Variants in LRP1B observed in about 807,000 individuals in gnomAD.
LRP1B encodes low-density lipoprotein receptor-related protein 1B.
Under a neutral mutation model 556.6 loss-of-function variants are expected in LRP1B, and 217 were observed. The ratio of observed to expected loss-of-function variants is 0.39; its 90% CI spans 0.35 to 0.44. The LOEUF is 0.44. LRP1B is among the 20% of genes least tolerant of loss of function. LRP1B has a pLI of 1.00. For synonymous variants in LRP1B, 2,047 were observed against 1,865.8 expected (o/e 1.10, Z -2.50); for missense variants, 5,053 against 5,620.8 (o/e 0.90, Z 3.23).
chr2:141,857,176 A>T (rs1574433544), intron 1 of LRP1B, among the ~76,000 whole-genome samples: 1 of 152,110 alleles, frequency 6.6e-6, no homozygotes, highest in Admixed American at 6.6e-5. Flanking sequence ...AGTTAGAGGT[A>T]TAAAGTCAAC....
chr2:140,966,450 C>A (rs1336535778), intron 18 of LRP1B, among the ~76,000 whole-genome samples: 1 of 151,950 alleles, frequency 6.6e-6, no homozygotes, highest in Non-Finnish European at 1.5e-5. Context: ...GGATATTAGC[C>A]CTTTGTCAGA....
chr2:140,983,828 AC>A (rs60514426), intron 17 of LRP1B, among the ~76,000 whole-genome samples: 16,443 of 151,988 alleles, frequency 0.11, 986 homozygotes, highest in East Asian at 0.2. Context: ...CTGATTTTTT[AC>A]ATTTTACAAA....
intron 43 of LRP1B, among the ~76,000 whole-genome samples, chr2:140,588,145 G>A (rs980884735): frequency 1.3e-5 from 2 of 152,094 alleles, no homozygotes; most frequent in Admixed American, 6.5e-5. Flanking sequence ...CAAGAAAAAA[G>A]AAAGAACACT....
intron 41 of LRP1B, among the ~76,000 whole-genome samples, chr2:140,643,147 G>T (rs1684363392): frequency 6.6e-6 from 1 of 151,886 alleles, no homozygotes; most frequent in Non-Finnish European, 1.5e-5. Flanking sequence ...TAAAATAAAT[G>T]AAATTGTTCC....
intron 7 of LRP1B, among the ~76,000 whole-genome samples, chr2:141,131,184 T>G (rs556384281): frequency 6.6e-5 from 10 of 151,966 alleles, no homozygotes; most frequent in African/African-American, 2.2e-4. Flanking sequence ...CTTACAGTGG[T>G]GTAACCTATT....
chr2:141,116,019 A>C, intron 7 of LRP1B, among the ~76,000 whole-genome samples: 1 of 152,170 alleles, frequency 6.6e-6, no homozygotes, highest in East Asian at 1.9e-4. Flanking sequence ...ACCAAAAAGC[A>C]ATTTCATTAT....
At chr2:141,874,546 A>G (rs575936179) in intron 1 of LRP1B, among the ~76,000 whole-genome samples, 1 of 152,064 alleles carries the variant, frequency 6.6e-6, no homozygotes, top group East Asian at 1.9e-4. Context: ...CCTCTCTGCC[A>G]AAACAATCCC....
At chr2:141,148,546 A>G (rs571478743) in intron 7 of LRP1B, among the ~76,000 whole-genome samples, 10 of 152,244 alleles carry the variant, frequency 6.6e-5, no homozygotes, top group Non-Finnish European at 1.2e-4. Context: ...CCCAGTATTG[A>G]ACTGAAAGGT....
chr2:140,923,024 C>A lies in LRP1B; in HGVS notation c.3260G>T (p.Gly1087Val). The part of the protein sequence containing the change: ...KDCEDGSDEK[G>V]CNGTIRLCDH... Reference sequence around the variant, plus strand: ...ACACAATCGTATGGTACCATTGCAACCTTTTTCATCACTACCATCTTCACA... The same window carrying A: ...ACACAATCGTATGGTACCATTGCAAACTTTTTCATCACTACCATCTTCACA... Residue 1087 changes from glycine to valine, a missense_variant, in exon 21 of 91, where the codon GGT becomes GTT. Transcript: ENST00000389484. 6.2e-7 allele frequency: 1 copy of A among 1,613,234 alleles called. No homozygotes were observed. The highest frequency in any genetic ancestry group is 1.7e-4 in the Middle Eastern group (1 of 6,056).
At chr2:140,744,434 T>C (rs1179176346) in intron 35 of LRP1B, among the ~76,000 whole-genome samples, 1 of 152,166 alleles carries the variant, frequency 6.6e-6, no homozygotes, top group Non-Finnish European at 1.5e-5. Context: ...AGAATTAAGA[T>C]TGTATTCTTG....
At chr2:141,536,336 C>CT (rs1559126871) in intron 2 of LRP1B, among the ~76,000 whole-genome samples, 1 of 152,002 alleles carries the variant, frequency 6.6e-6, no homozygotes, top group Non-Finnish European at 1.5e-5. Flanking sequence ...AATTCAGTAG[C>CT]TTTTCCATTA....
intron 2 of LRP1B, among the ~76,000 whole-genome samples, chr2:141,721,372 A>G (rs1692807352): frequency 6.6e-6 from 1 of 152,072 alleles, no homozygotes; most frequent in Non-Finnish European, 1.5e-5. Context: ...TGCTTGTATT[A>G]ATTTGCTAAT....
chr2:142,083,691 T>A (rs1705803084), intron 1 of LRP1B, among the ~76,000 whole-genome samples: 2 of 152,212 alleles, frequency 1.3e-5, no homozygotes, highest in Non-Finnish European at 2.9e-5. Context: ...ATATGCAGTA[T>A]GAAAAATGTT....
At chr2:141,603,338 G>A (rs992798123) in intron 2 of LRP1B, among the ~76,000 whole-genome samples, 1 of 152,132 alleles carries the variant, frequency 6.6e-6, no homozygotes, top group Non-Finnish European at 1.5e-5. Context: ...ATGTATGTGT[G>A]TATGCATGCG....
chr2:140,974,588 TAGG>T (rs1327269149), intron 18 of LRP1B, among the ~76,000 whole-genome samples: 2 of 152,104 alleles, frequency 1.3e-5, no homozygotes, highest in South Asian at 2.1e-4. Flanking sequence ...CCTGCTTTAA[TAGG>T]AGATTAGAAG....
intron 66 of LRP1B, among the ~76,000 whole-genome samples, chr2:140,408,989 T>G (rs928131289): frequency 2.6e-5 from 4 of 151,988 alleles, no homozygotes; most frequent in Non-Finnish European, 4.4e-5. Flanking sequence ...TATTCAGAAC[T>G]TCTCTTGCTA....
intron 27 of LRP1B, among the ~76,000 whole-genome samples, chr2:140,860,513 T>C (rs1456732445): frequency 6.6e-6 from 1 of 152,220 alleles, no homozygotes; most frequent in Non-Finnish European, 1.5e-5. Flanking sequence ...ATAGTACTAT[T>C]TTTATCAACA....
intron 3 of LRP1B, among the ~76,000 whole-genome samples, chr2:141,369,568 A>T (rs1689154826): frequency 6.6e-6 from 1 of 152,210 alleles, no homozygotes; most frequent in Non-Finnish European, 1.5e-5. Flanking sequence ...TTTATAAAAT[A>T]TTAGATTTCC....
intron 35 of LRP1B, among the ~76,000 whole-genome samples, chr2:140,751,714 A>G (rs1452884026): frequency 6.6e-6 from 1 of 152,186 alleles, no homozygotes; most frequent in Non-Finnish European, 1.5e-5. Context: ...CTCCCTCAAT[A>G]AAATAAAAAT....
Sources: allele counts gnomAD v4.1 joint callset (sites outside exome capture counted in the v4.1 genomes callset), GRCh38; gene constraint gnomAD v4.1.1; transcripts MANE v1.5; gene names NCBI Gene and HGNC (gene_info 2026-07-23, HGNC 2026-07-21).